The following DRC11 variants were observed in gnomAD, a reference collection of about 807,000 sequenced individuals.
The protein encoded by DRC11 is IQ and AAA domain-containing protein 1.
At chr2:236,372,581 G>C in the DRC11 span, among the ~76,000 whole-genome samples, 1 of 151,948 alleles carries the variant, frequency 6.6e-6, no homozygotes, top group Non-Finnish European at 1.5e-5. The surrounding 1 kb of genome is among the most constrained non-coding windows in gnomAD (Gnocchi z 4.5). Context: ...AGGCCTAAAA[G>C]AAATGTTCAT....
chr2:236,343,331 G>A, the DRC11 span, among the ~76,000 whole-genome samples: 48 of 152,338 alleles, frequency 3.2e-4, 1 homozygote, highest in African/African-American at 1.1e-3. This position sits in a 1 kb window ranked among gnomAD's most constrained non-coding sequence, Gnocchi z 6.6. Flanking sequence ...GCAGGCAGCC[G>A]CAAGCACTGA....
the DRC11 span, among the ~76,000 whole-genome samples, chr2:236,417,765 TC>T: frequency 2.0e-5 from 3 of 151,920 alleles, no homozygotes; most frequent in Non-Finnish European, 2.9e-5. Context: ...TGTGTGATGT[TC>T]CCCTCCCTGT....
At chr2:236,392,431 G>C in the DRC11 span, 1 of 708,708 alleles carries the variant, frequency 1.4e-6, no homozygotes, top group Non-Finnish European at 2.3e-6. The surrounding 1 kb of genome is among the most constrained non-coding windows in gnomAD (Gnocchi z 5.1). Context: ...AAAAGACGTA[G>C]GTTAATTGTA....
chr2:236,400,893 G>T, the DRC11 span, among the ~76,000 whole-genome samples: 4 of 152,150 alleles, frequency 2.6e-5, no homozygotes, highest in African/African-American at 9.7e-5. The surrounding 1 kb of genome is among the most constrained non-coding windows in gnomAD (Gnocchi z 7.9). Context: ...CCACTGTTCT[G>T]CCGTGGAGGC....
At chr2:236,459,587 ACG>A in the DRC11 span, among the ~76,000 whole-genome samples, 53 of 145,746 alleles carry the variant, frequency 3.6e-4, no homozygotes, top group African/African-American at 1.3e-3. Context: ...ATACGTATAT[ACG>A]TATACGTATA....
At chr2:236,435,514 C>A in the DRC11 span, among the ~76,000 whole-genome samples, 5 of 152,208 alleles carry the variant, frequency 3.3e-5, no homozygotes, top group Non-Finnish European at 7.3e-5. Context: ...GTTTAATTGA[C>A]TCACAGTTCC....
the DRC11 span, among the ~76,000 whole-genome samples, chr2:236,350,741 A>G: frequency 6.6e-6 from 1 of 152,196 alleles, no homozygotes; most frequent in Admixed American, 6.5e-5. The surrounding 1 kb of genome is among the most constrained non-coding windows in gnomAD (Gnocchi z 5.2). Flanking sequence ...CTGTACCGCT[A>G]CCTGATCCGC....
the DRC11 span, among the ~76,000 whole-genome samples, chr2:236,426,016 C>T: frequency 0.012 from 1,801 of 152,016 alleles, 27 homozygotes; most frequent in Non-Finnish European, 0.019. The surrounding 1 kb of genome is among the most constrained non-coding windows in gnomAD (Gnocchi z 4.1). Context: ...GCCAGTATCA[C>T]GCTGTTTTGC....
At chr2:236,435,931 A>G in the DRC11 span, among the ~76,000 whole-genome samples, 4 of 152,200 alleles carry the variant, frequency 2.6e-5, no homozygotes, top group Non-Finnish European at 4.4e-5. Flanking sequence ...CTCAAAGAGC[A>G]TTTATGAGCC....
the DRC11 span, chr2:236,493,771 G>A: frequency 6.3e-7 from 1 of 1,595,180 alleles, no homozygotes; most frequent in South Asian, 1.1e-5. Flanking sequence ...TACAAACCAT[G>A]TCAGATGTAT....
chr2:236,496,957 G>T, the DRC11 span, among the ~76,000 whole-genome samples: 1 of 152,166 alleles, frequency 6.6e-6, no homozygotes, highest in Non-Finnish European at 1.5e-5. This position sits in a 1 kb window ranked among gnomAD's most constrained non-coding sequence, Gnocchi z 6.3. Context: ...GCCAAGAAGT[G>T]TGCAGATGCA....
the DRC11 span, among the ~76,000 whole-genome samples, chr2:236,384,324 C>T: frequency 6.6e-6 from 1 of 152,048 alleles, no homozygotes; most frequent in Non-Finnish European, 1.5e-5. Flanking sequence ...TCTCCAGCAC[C>T]TGTTGTTGCC....
the DRC11 span, among the ~76,000 whole-genome samples, chr2:236,390,240 G>A: frequency 2.0e-5 from 3 of 152,054 alleles, no homozygotes; most frequent in African/African-American, 7.2e-5. This position sits in a 1 kb window ranked among gnomAD's most constrained non-coding sequence, Gnocchi z 5.9. Context: ...TTGGTTTCTT[G>A]TGATAGTTTT....
At chr2:236,424,160 C>T in the DRC11 span, among the ~76,000 whole-genome samples, 3 of 151,976 alleles carry the variant, frequency 2.0e-5, no homozygotes, top group Admixed American at 1.3e-4. Context: ...ATGTAACTAA[C>T]CTGCACGTTG....
chr2:236,423,648 C>T, the DRC11 span, among the ~76,000 whole-genome samples: 1 of 152,142 alleles, frequency 6.6e-6, no homozygotes, highest in African/African-American at 2.4e-5. Flanking sequence ...TGTGGCGATG[C>T]CTCAGGGATC....
At chr2:236,422,243 A>G in the DRC11 span, among the ~76,000 whole-genome samples, 1 of 152,208 alleles carries the variant, frequency 6.6e-6, no homozygotes, top group Non-Finnish European at 1.5e-5. Context: ...AGGGTATTCA[A>G]TTAGGAAAAG....
the DRC11 span, among the ~76,000 whole-genome samples, chr2:236,364,599 T>C: frequency 6.6e-6 from 1 of 152,146 alleles, no homozygotes; most frequent in African/African-American, 2.4e-5. Context: ...GTTCATGCCG[T>C]GTTCTCCACC....
the DRC11 span, among the ~76,000 whole-genome samples, chr2:236,430,663 G>A: frequency 9.8e-5 from 15 of 152,306 alleles, no homozygotes; most frequent in East Asian, 1.2e-3. The surrounding 1 kb of genome is among the most constrained non-coding windows in gnomAD (Gnocchi z 6.0). Flanking sequence ...CATTTTGCAG[G>A]TGGTGAACAT....
chr2:236,497,092 T>C, the DRC11 span: 2 of 1,177,194 alleles, frequency 1.7e-6, no homozygotes, highest in Non-Finnish European at 2.4e-6. The surrounding 1 kb of genome is among the most constrained non-coding windows in gnomAD (Gnocchi z 5.1). Flanking sequence ...GAGTATCGTG[T>C]ACAGATATCG....
Sources: allele counts gnomAD v4.1 joint callset (sites outside exome capture counted in the v4.1 genomes callset), GRCh38; gene constraint gnomAD v4.1.1; non-coding constraint Gnocchi (gnomAD v3.1); transcripts MANE v1.5; gene names NCBI Gene and HGNC (gene_info 2026-07-23, HGNC 2026-07-21).